The following ZPBP variants were observed in gnomAD, a reference collection of about 807,000 sequenced individuals.
The protein encoded by ZPBP is zona pellucida binding protein.
ZPBP carries 26 observed loss-of-function variants against 44.8 expected under a neutral mutation model. That is an observed-to-expected ratio of 0.58 (90% CI 0.43 to 0.81). The LOEUF is 0.81. Among genes scored for constraint, ZPBP ranks in the 30% least tolerant of loss-of-function variants. ZPBP has a pLI of 0.00. For synonymous variants in ZPBP, 174 were observed against 153.2 expected (o/e 1.14, Z -1.00); for missense variants, 409 against 434.0 (o/e 0.94, Z 0.51).
rs1364686995 is a variant in ZPBP, at chr7:50,093,149, T to G, written c.46A>C (p.Thr16Pro). ...GAGAGCAGGGAGCCGGCGGCCCGGGTCCGCCGCCTGCCCCGCCGCGCTGGG... is the reference window on the plus strand; with the variant it reads ...GAGAGCAGGGAGCCGGCGGCCCGGGGCCGCCGCCTGCCCCGCCGCGCTGGG... ...LGPARRGRRR[T>P]RAAGSLLSRA... The change falls in exon 1 of 8, where the codon ACC becomes CCC. Residue 16 changes from threonine to proline, a missense_variant. Physicochemically the swap from Thr to Pro is conservative, Grantham distance 38 (BLOSUM62 -1). Around this residue, in one of 2 missense-constraint regions of ZPBP, gnomAD observed 367 missense variants for 363.1 expected, o/e 1.01. Transcript: ENST00000046087. 1.9e-6 allele frequency: 3 copies of G among 1,540,190 alleles called. No individual in the cohort carries two copies. Among genetic ancestry groups the G allele is most frequent in the Non-Finnish European group, 2.6e-6 (3 of 1,145,072 alleles).
intron 3 of ZPBP, among the ~76,000 whole-genome samples, chr7:50,080,776 A>G (rs1508412): frequency 0.78 from 118,587 of 151,598 alleles, 46,447 homozygotes; most frequent in East Asian, 0.88. Flanking sequence ...AACTTATTAG[A>G]ATTTCTGTTG....
chr7:49,905,514 G>A (rs1793037110), intron 1 of ZPBP, among the ~76,000 whole-genome samples: 1 of 152,224 alleles, frequency 6.6e-6, no homozygotes, highest in Admixed American at 6.5e-5. Context: ...ATATTTTAAT[G>A]TGAGGTAAAC....
chr7:49,861,993 G>A (rs1790668511), intron 2 of ZPBP, among the ~76,000 whole-genome samples: 1 of 152,118 alleles, frequency 6.6e-6, no homozygotes, highest in Admixed American at 6.5e-5. Context: ...TTTTAGGATA[G>A]GCTTTTCCAT....
At chr7:50,090,645 ATG>A (rs201409301) in intron 1 of ZPBP, among the ~76,000 whole-genome samples, 117,460 of 149,192 alleles carry the variant, frequency 0.79, 45,735 homozygotes, top group East Asian at 0.88. Flanking sequence ...ACACACACAC[ATG>A]CACACACACA....
intron 1 of ZPBP, among the ~76,000 whole-genome samples, chr7:49,905,713 T>C (rs1399452793): frequency 1.3e-5 from 2 of 152,186 alleles, no homozygotes; most frequent in Non-Finnish European, 2.9e-5. Context: ...TGAGACCTAC[T>C]GGGCTGCATT....
At chr7:50,044,134 G>A (rs1018176305) in intron 4 of ZPBP, among the ~76,000 whole-genome samples, 2 of 152,196 alleles carry the variant, frequency 1.3e-5, no homozygotes, top group East Asian at 1.9e-4. Context: ...AAGACACAAC[G>A]TACCAGAATC....
intron 2 of ZPBP, among the ~76,000 whole-genome samples, chr7:49,868,351 G>A (rs1791000804): frequency 6.6e-6 from 1 of 152,130 alleles, no homozygotes; most frequent in African/African-American, 2.4e-5. Flanking sequence ...ATATTTCAAA[G>A]TATTGATGGT....
In ZPBP at chr7:49,967,893, A is replaced by C. The variant is rs78693947; in HGVS notation, c.961+15449T>G. The stretch of plus-strand genomic sequence containing the variant: ...ATATTTTGCAAGTGGATGGGCAGGA[A>C]TTTTTGAGAGCCACAACCACAAGGC... On this transcript the variant is annotated intron_variant, in intron 7 of 7. Coordinates refer to ENST00000046087, the MANE Select transcript of ZPBP (RefSeq NM_007009.3). Among the ~76,000 whole-genome samples, 45 of 152,238 alleles carry C rather than the reference A, an allele frequency of 3.0e-4. No individual in the cohort carries two copies. The East Asian group carries it at 8.7e-3, about 29-fold the overall frequency.
intron 6 of ZPBP, among the ~76,000 whole-genome samples, chr7:50,014,381 C>T (rs1213850042): frequency 1.3e-5 from 2 of 151,444 alleles, no homozygotes; most frequent in Non-Finnish European, 2.9e-5. Flanking sequence ...AGCATAAGGA[C>T]TGACAAAACA....
downstream of ZPBP, among the ~76,000 whole-genome samples, chr7:49,935,211 C>T (rs996002200): frequency 1.1e-4 from 17 of 151,926 alleles, no homozygotes; most frequent in African/African-American, 2.4e-4. Flanking sequence ...CTGTGTGCTA[C>T]GAAGAAGGCC....
At chr7:50,030,331 G>C (rs1799547599) in intron 5 of ZPBP, among the ~76,000 whole-genome samples, 1 of 151,954 alleles carries the variant, frequency 6.6e-6, no homozygotes, top group Admixed American at 6.6e-5. Context: ...GAAAAGTAAG[G>C]AAGATAAAAG....
intron 2 of ZPBP, among the ~76,000 whole-genome samples, chr7:49,857,313 C>G (rs1471113247): frequency 6.6e-6 from 1 of 152,202 alleles, no homozygotes; most frequent in African/African-American, 2.4e-5. Context: ...GCTTTTTCCA[C>G]TAAGCATAAT....
intron 1 of ZPBP, 146 bp from the exon 2 acceptor site, chr7:50,089,855 C>T: frequency 1.5e-6 from 1 of 670,164 alleles, no homozygotes; most frequent in African/African-American, 1.8e-5. Flanking sequence ...CAACTCTATT[C>T]CCCCTCAGAT....
At chr7:50,040,968 G>T (rs547746211) in intron 4 of ZPBP, among the ~76,000 whole-genome samples, 3 of 152,142 alleles carry the variant, frequency 2.0e-5, no homozygotes, top group African/African-American at 7.2e-5. Flanking sequence ...CAAGCTTGGT[G>T]GGGGGAGGGG....
chr7:50,008,200 C>CAAAT (rs1646851125), intron 6 of ZPBP, among the ~76,000 whole-genome samples: 1 of 151,922 alleles, frequency 6.6e-6, no homozygotes, highest in Non-Finnish European at 1.5e-5. Context: ...AATCAACATG[C>CAAAT]AAATATCAGT....
intron 2 of ZPBP, among the ~76,000 whole-genome samples, chr7:49,855,971 A>G (rs554053389): frequency 2.0e-4 from 30 of 152,286 alleles, no homozygotes; most frequent in African/African-American, 7.2e-4. Flanking sequence ...TGCTGCTGTG[A>G]GAAAGGGTTT....
At chr7:49,943,063 G>T in intron 7 of ZPBP, 1 of 337,974 alleles carries the variant, frequency 3.0e-6, no homozygotes, top group South Asian at 2.9e-5. Context: ...GCTTGACAAA[G>T]AAAGGAATCC....
intron 1 of ZPBP, among the ~76,000 whole-genome samples, chr7:49,910,899 A>G (rs1483072): frequency 0.77 from 116,360 of 152,056 alleles, 44,708 homozygotes; most frequent in East Asian, 0.89. Flanking sequence ...AACCTAGTGA[A>G]TCACAAACTC....
downstream of ZPBP, among the ~76,000 whole-genome samples, chr7:49,935,370 G>T (rs933360736): frequency 1.3e-5 from 2 of 151,834 alleles, no homozygotes; most frequent in African/African-American, 4.8e-5. Flanking sequence ...CTCCTATTTT[G>T]TCCTTTACTT....
Sources: allele counts gnomAD v4.1 joint callset (sites outside exome capture counted in the v4.1 genomes callset), GRCh38; gene constraint gnomAD v4.1.1; regional missense constraint gnomAD v4.1.1; transcripts MANE v1.5; gene names NCBI Gene and HGNC (gene_info 2026-07-23, HGNC 2026-07-21).